LRRC4C: variants seen among roughly 807,000 people sequenced by gnomAD.
LRRC4C encodes the protein leucine rich repeat containing 4C.
Under a neutral mutation model 33.6 loss-of-function variants are expected in LRRC4C, and 5 were observed. The ratio of observed to expected loss-of-function variants is 0.15; its 90% CI spans 0.08 to 0.31. The LOEUF (loss-of-function observed/expected upper bound fraction) is 0.31. Ranked by LOEUF, LRRC4C falls within the 10% of genes least tolerant of loss-of-function variation. LRRC4C has a pLI of 1.00. For missense variants in LRRC4C, 560 were observed against 796.7 expected (o/e 0.70, Z 3.58); for synonymous variants, 329 against 302.0 (o/e 1.09, Z -0.93).
chr11:40,829,832 T>C (rs1952331475), intron 2 of LRRC4C, among the ~76,000 whole-genome samples: 1 of 152,044 alleles, frequency 6.6e-6, no homozygotes, highest in Non-Finnish European at 1.5e-5. Flanking sequence ...ATTCCTGTGT[T>C]TAGGATATCG....
chr11:41,312,105 C>T (rs1950658632), intron 1 of LRRC4C, among the ~76,000 whole-genome samples: 1 of 152,162 alleles, frequency 6.6e-6, no homozygotes, highest in South Asian at 2.1e-4. Flanking sequence ...TGTTTTTCCT[C>T]TTTTTTGACA....
chr11:41,408,333 A>G (rs891939769), intron 1 of LRRC4C, among the ~76,000 whole-genome samples: 2 of 152,180 alleles, frequency 1.3e-5, no homozygotes, highest in Non-Finnish European at 2.9e-5. Flanking sequence ...TTATCCACTT[A>G]AAACTGGGAC....
intron 5 of LRRC4C, among the ~76,000 whole-genome samples, chr11:40,220,175 C>T (rs1479512461): frequency 1.3e-5 from 2 of 152,060 alleles, no homozygotes; most frequent in Non-Finnish European, 2.9e-5. Context: ...AATGGTAAAC[C>T]TTTTGAGACT....
intron 1 of LRRC4C, among the ~76,000 whole-genome samples, chr11:41,031,619 T>C (rs1451349556): frequency 6.6e-6 from 1 of 151,940 alleles, no homozygotes; most frequent in Non-Finnish European, 1.5e-5. Flanking sequence ...CAAAATAAAC[T>C]ATTCCAGGTC....
intron 1 of LRRC4C, among the ~76,000 whole-genome samples, chr11:40,980,872 A>G (rs1852468378): frequency 1.3e-5 from 2 of 152,248 alleles, no homozygotes; most frequent in Admixed American, 6.5e-5. Context: ...CGTTATTAGC[A>G]TGTAGGCTCT....
At chr11:40,274,833 C>T (rs1179171745) in intron 4 of LRRC4C, among the ~76,000 whole-genome samples, 3 of 152,146 alleles carry the variant, frequency 2.0e-5, no homozygotes, top group Non-Finnish European at 4.4e-5. Flanking sequence ...TCACCTTTGA[C>T]AGTTGCATTC....
chr11:40,274,349 C>T (rs1421062569), intron 4 of LRRC4C, among the ~76,000 whole-genome samples: 1 of 150,750 alleles, frequency 6.6e-6, no homozygotes, highest in African/African-American at 2.4e-5. Flanking sequence ...AATGAATTCA[C>T]CTACTTAATT....
intron 2 of LRRC4C, among the ~76,000 whole-genome samples, chr11:40,915,854 AAAAC>A (rs1437526623): frequency 6.6e-6 from 1 of 152,172 alleles, no homozygotes; most frequent in African/African-American, 2.4e-5. Context: ...TTACAAGAAA[AAAAC>A]AAACAACCCC....
At chr11:40,791,120 C>T (rs994600603) in intron 2 of LRRC4C, among the ~76,000 whole-genome samples, 1 of 152,192 alleles carries the variant, frequency 6.6e-6, no homozygotes, top group East Asian at 1.9e-4. Context: ...CACTCCCCAC[C>T]TCTTCCAGAG....
chr11:40,836,374 G>A (rs551531921), intron 2 of LRRC4C, among the ~76,000 whole-genome samples: 5 of 152,310 alleles, frequency 3.3e-5, no homozygotes, highest in African/African-American at 1.2e-4. Flanking sequence ...TGTAGCAAGT[G>A]AGGTGCACTT....
intron 1 of LRRC4C, among the ~76,000 whole-genome samples, chr11:41,251,640 C>T (rs893498707): frequency 6.6e-6 from 1 of 152,050 alleles, no homozygotes; most frequent in Non-Finnish European, 1.5e-5. Flanking sequence ...GTGAAACAGC[C>T]CGGACTAATT....
At chr11:40,207,454 T>C (rs1863243570) in intron 5 of LRRC4C, among the ~76,000 whole-genome samples, 1 of 152,048 alleles carries the variant, frequency 6.6e-6, no homozygotes, top group African/African-American at 2.4e-5. Flanking sequence ...ATTTAAAAAT[T>C]AGTCATGTGT....
intron 1 of LRRC4C, among the ~76,000 whole-genome samples, chr11:41,452,823 T>C (rs190969923): frequency 6.6e-6 from 1 of 152,242 alleles, no homozygotes; most frequent in East Asian, 1.9e-4. Context: ...TGGTAATAAT[T>C]TGTATCGTCT....
chr11:40,989,164 C>T (rs1438379832), intron 1 of LRRC4C, among the ~76,000 whole-genome samples: 1 of 152,094 alleles, frequency 6.6e-6, no homozygotes, highest in African/African-American at 2.4e-5. Context: ...ACTTTAAGAG[C>T]CTCAAAGGAC....
chr11:40,534,420 TAAGTGA>T (rs1213721068), intron 3 of LRRC4C, among the ~76,000 whole-genome samples: 1 of 152,176 alleles, frequency 6.6e-6, no homozygotes, highest in African/African-American at 2.4e-5. Flanking sequence ...ATTACTCATT[TAAGTGA>T]AAGTATAGAG....
rs1020582140 is a variant in LRRC4C at position 40,129,975 on chromosome 11, A to T, written c.-43+10826T>A. Among the ~76,000 whole-genome samples, 5 of 152,146 alleles carry T rather than the reference A, an allele frequency of 3.3e-5. 1 individual carries two copies. The highest frequency in any genetic ancestry group is 3.3e-4 in the Admixed American group (5 of 15,262). On this transcript the variant is annotated intron_variant, in intron 6 of 6. Coordinates refer to ENST00000528697, the MANE Select transcript of LRRC4C (RefSeq NM_001258419.2). ...ACACTCTCATGATGCTGGAGAGATA[A>T]GTGTACCTGGCATGAGGTTTCTGGC... is the stretch of plus-strand genomic sequence containing the variant.
chr11:40,200,313 G>A (rs755365517), intron 5 of LRRC4C, among the ~76,000 whole-genome samples: 141 of 151,334 alleles, frequency 9.3e-4, no homozygotes, highest in Non-Finnish European at 1.7e-3. Flanking sequence ...GCAGTGAGCC[G>A]AGATCGCGCC....
At chr11:40,679,583 C>A (rs932154346) in intron 2 of LRRC4C, among the ~76,000 whole-genome samples, 5 of 152,146 alleles carry the variant, frequency 3.3e-5, no homozygotes, top group African/African-American at 1.2e-4. Context: ...CATCTCCAGC[C>A]GTGACTGATG....
At chr11:41,133,189 A>G (rs1283992824) in intron 1 of LRRC4C, among the ~76,000 whole-genome samples, 2 of 152,124 alleles carry the variant, frequency 1.3e-5, no homozygotes, top group Non-Finnish European at 2.9e-5. Context: ...AAAGAATGTG[A>G]AGGTTTCCAG....
Sources: gnomAD v4.1 joint callset for allele counts (sites outside exome capture counted in the v4.1 genomes callset) on GRCh38, gnomAD v4.1.1 for gene constraint, MANE v1.5 for transcripts, NCBI Gene and HGNC (gene_info 2026-07-23, HGNC 2026-07-21) for gene names.